The following PRKCE variants were observed in gnomAD, a reference collection of about 807,000 sequenced individuals.
PRKCE encodes the protein protein kinase C epsilon type.
A neutral mutation model predicts 85.4 loss-of-function variants in PRKCE; 16 were observed. That is an observed-to-expected ratio of 0.19 (90% confidence interval 0.13 to 0.28). The LOEUF is 0.28. Among genes scored for constraint, PRKCE ranks in the 10% least tolerant of loss-of-function variants. The pLI is 1.00. For missense variants in PRKCE, 573 were observed against 975.2 expected (o/e 0.59, Z 5.49); for synonymous variants, 388 against 371.5 (o/e 1.04, Z -0.51).
chr2:45,803,485 C>G (rs1417416101), intron 1 of PRKCE, among the ~76,000 whole-genome samples: 1 of 152,196 alleles, frequency 6.6e-6, no homozygotes, highest in African/African-American at 2.4e-5. Flanking sequence ...TGTGGCTATG[C>G]TTTTCCCAAT....
intron 1 of PRKCE, among the ~76,000 whole-genome samples, chr2:45,812,861 A>G (rs1453467582): frequency 6.6e-6 from 1 of 152,238 alleles, no homozygotes. Context: ...CTCATGTGAA[A>G]CAACACACAT....
At position 46,169,216 on chromosome 2, in the gene PRKCE, T is replaced by A. The variant is rs1384149376; in HGVS notation, c.2067+9464T>A. On this transcript the variant is annotated intron_variant, in intron 14 of 14. Coordinates refer to ENST00000306156, the MANE Select transcript of PRKCE (RefSeq NM_005400.3). ...GTTTTGCACTTGGGGGATCAGTGCCTTCTTACCTTCCCATTGTTTGTGCTG... is the reference window on the plus strand; with the variant it reads ...GTTTTGCACTTGGGGGATCAGTGCCATCTTACCTTCCCATTGTTTGTGCTG... 2.6e-5 allele frequency among the ~76,000 whole-genome samples: 4 copies of A among 152,208 alleles called. No individual in the cohort carries two copies. In the South Asian group the frequency reaches 6.2e-4, roughly 24 times the overall value.
At chr2:45,861,152 C>T (rs1455152381) in intron 2 of PRKCE, among the ~76,000 whole-genome samples, 2 of 152,104 alleles carry the variant, frequency 1.3e-5, no homozygotes, top group African/African-American at 4.8e-5. Context: ...GGGAAAACAG[C>T]AGGCTGAGCC....
intron 2 of PRKCE, among the ~76,000 whole-genome samples, chr2:45,889,253 A>C (rs1695531939): frequency 6.6e-6 from 1 of 152,116 alleles, no homozygotes; most frequent in Non-Finnish European, 1.5e-5. Flanking sequence ...ACCACGTGAA[A>C]TGTATGGAGG....
At chr2:45,973,337 G>A (rs1393363146) in intron 2 of PRKCE, among the ~76,000 whole-genome samples, 9 of 152,170 alleles carry the variant, frequency 5.9e-5, no homozygotes. Context: ...GTGGAATTGG[G>A]GTGTTTTCAG....
chr2:46,072,570 G>A (rs1668170180), intron 10 of PRKCE, among the ~76,000 whole-genome samples: 1 of 152,196 alleles, frequency 6.6e-6, no homozygotes, highest in Non-Finnish European at 1.5e-5. Flanking sequence ...GGACCTTCAG[G>A]TCCTCAATTT....
intron 2 of PRKCE, among the ~76,000 whole-genome samples, chr2:45,974,630 C>T (rs534453881): frequency 1.3e-5 from 2 of 152,302 alleles, no homozygotes; most frequent in East Asian, 1.9e-4. Flanking sequence ...TCAATTTTAC[C>T]TTCCCTCTAC....
At chr2:45,890,775 A>G (rs1982366) in intron 2 of PRKCE, among the ~76,000 whole-genome samples, 50,035 of 152,062 alleles carry the variant, frequency 0.33, 8,726 homozygotes, top group East Asian at 0.55. Flanking sequence ...AGATAGCTCT[A>G]CAAGTATATG....
At chr2:45,979,779 G>A (rs1702737712) in intron 4 of PRKCE, among the ~76,000 whole-genome samples, 1 of 152,140 alleles carries the variant, frequency 6.6e-6, no homozygotes. Flanking sequence ...TAACAACACA[G>A]ATATAGGCCA....
chr2:45,788,962 C>A (rs1442239282), intron 1 of PRKCE, among the ~76,000 whole-genome samples: 1 of 152,194 alleles, frequency 6.6e-6, no homozygotes, highest in African/African-American at 2.4e-5. Context: ...CTACCCCAGA[C>A]CAATTAAATC....
chr2:45,981,773 G>A (rs1702908554), intron 5 of PRKCE, among the ~76,000 whole-genome samples: 1 of 152,176 alleles, frequency 6.6e-6, no homozygotes, highest in Non-Finnish European at 1.5e-5. Context: ...TGTATGACAG[G>A]CGTTATGCTG....
At chr2:45,820,760 C>A (rs1451298593) in intron 1 of PRKCE, among the ~76,000 whole-genome samples, 1 of 152,132 alleles carries the variant, frequency 6.6e-6, no homozygotes, top group Non-Finnish European at 1.5e-5. Flanking sequence ...CTGTTTGGTG[C>A]ATGGTTGTTG....
chr2:45,911,644 T>A (rs1359068755), intron 2 of PRKCE, among the ~76,000 whole-genome samples: 1 of 152,192 alleles, frequency 6.6e-6, no homozygotes, highest in African/African-American at 2.4e-5. Context: ...ACTTTAGGAA[T>A]GCCCCAGACC....
chr2:46,070,186 A>G (rs1667954011), intron 10 of PRKCE, among the ~76,000 whole-genome samples: 1 of 152,244 alleles, frequency 6.6e-6, no homozygotes, highest in African/African-American at 2.4e-5. Flanking sequence ...CTTTGGTCAC[A>G]GGGAGAACTG....
intron 2 of PRKCE, among the ~76,000 whole-genome samples, chr2:45,938,566 C>A (rs1406508409): frequency 6.6e-6 from 1 of 152,148 alleles, no homozygotes; most frequent in East Asian, 1.9e-4. Context: ...TCAAGCCTTG[C>A]AGCAGCTATT....
chr2:46,101,124 C>T (rs1288483029), intron 11 of PRKCE, among the ~76,000 whole-genome samples: 1 of 152,138 alleles, frequency 6.6e-6, no homozygotes, highest in Non-Finnish European at 1.5e-5. Context: ...CCGCCTTGGC[C>T]TCCCGAAGTC....
chr2:46,024,364 T>C (rs1706932405), intron 10 of PRKCE, among the ~76,000 whole-genome samples: 1 of 151,890 alleles, frequency 6.6e-6, no homozygotes, highest in Non-Finnish European at 1.5e-5. Context: ...TTTGACCTCA[T>C]TGGAGCATTT....
At chr2:45,924,292 C>G (rs1698457251) in intron 2 of PRKCE, among the ~76,000 whole-genome samples, 1 of 152,116 alleles carries the variant, frequency 6.6e-6, no homozygotes, top group African/African-American at 2.4e-5. Flanking sequence ...AGAGGTATAA[C>G]AAATATGTCC....
chr2:46,180,752 C>CTA (rs1458759846), intron 14 of PRKCE, among the ~76,000 whole-genome samples: 1 of 152,224 alleles, frequency 6.6e-6, no homozygotes, highest in East Asian at 1.9e-4. Flanking sequence ...TCAAGGAAAC[C>CTA]TATAGTGTGC....
Sources: gnomAD v4.1 joint callset for allele counts (sites outside exome capture counted in the v4.1 genomes callset) on GRCh38, gnomAD v4.1.1 for gene constraint, MANE v1.5 for transcripts, NCBI Gene and HGNC (gene_info 2026-07-23, HGNC 2026-07-21) for gene names.